Variants in ROBO1 observed in about 807,000 individuals in gnomAD.
The protein encoded by ROBO1 is roundabout guidance receptor 1.
ROBO1 carries 149 observed loss-of-function variants against 195.9 expected under a neutral mutation model. The observed-to-expected ratio is 0.76, with a 90% CI of 0.67 to 0.87. ROBO1 has a LOEUF of 0.87. Ranked by LOEUF, ROBO1 falls within the 40% of genes least tolerant of loss-of-function variation. The probability of loss-of-function intolerance (pLI) is 0.00; values close to 1 mark genes in which losing one functional copy is unlikely to be tolerated. For synonymous variants in ROBO1, 816 were observed against 733.2 expected (o/e 1.11, Z -1.82); for missense variants, 1,933 against 2,068.3 (o/e 0.93, Z 1.27).
At chr3:79,698,673 C>T (rs1053071110) in intron 1 of ROBO1, among the ~76,000 whole-genome samples, 2 of 151,518 alleles carry the variant, frequency 1.3e-5, no homozygotes, top group Non-Finnish European at 3.0e-5. Context: ...TAAGAAGTTA[C>T]TTAATTCAAT....
At chr3:78,989,629 A>C (rs752556836) in intron 3 of ROBO1, among the ~76,000 whole-genome samples, 4 of 152,132 alleles carry the variant, frequency 2.6e-5, no homozygotes, top group Admixed American at 2.6e-4. Context: ...AATAATAATA[A>C]ATAAAAGTAA....
intron 2 of ROBO1, among the ~76,000 whole-genome samples, chr3:79,136,828 T>C (rs1468075345): frequency 6.6e-6 from 1 of 151,898 alleles, no homozygotes; most frequent in Non-Finnish European, 1.5e-5. Flanking sequence ...TTATAGAGAT[T>C]GAGAGGAAAA....
At chr3:79,638,551 A>G (rs1180179866) in intron 1 of ROBO1, among the ~76,000 whole-genome samples, 1 of 152,102 alleles carries the variant, frequency 6.6e-6, no homozygotes, top group Non-Finnish European at 1.5e-5. Flanking sequence ...CAGTGCTGGA[A>G]TTACAGACGT....
At chr3:79,194,713 T>A (rs575941957) in intron 2 of ROBO1, among the ~76,000 whole-genome samples, 1 of 151,850 alleles carries the variant, frequency 6.6e-6, no homozygotes, top group African/African-American at 2.4e-5. Flanking sequence ...TCACTTACTC[T>A]TTTATTGTAG....
At chr3:79,283,887 C>A (rs1429865060) in intron 2 of ROBO1, among the ~76,000 whole-genome samples, 1 of 151,632 alleles carries the variant, frequency 6.6e-6, no homozygotes, top group East Asian at 1.9e-4. Flanking sequence ...TTAGTAGAGA[C>A]GGGGTTTCAC....
Position 79,585,272 on chromosome 3 carries a change from T to A in ROBO1, c.88+4552A>T, listed in dbSNP as rs374755139. On this transcript the variant is annotated intron_variant, in intron 2 of 30. Coordinates refer to ENST00000464233, the MANE Select transcript of ROBO1 (RefSeq NM_002941.4). ...TATAAAAGTCCAGCTACTTAATATCTGAATTAAGATTTTACTAACGCTTTG... is the reference window on the plus strand; with the variant it reads ...TATAAAAGTCCAGCTACTTAATATCAGAATTAAGATTTTACTAACGCTTTG... 2.0e-5 allele frequency among the ~76,000 whole-genome samples: 3 copies of A among 152,058 alleles called. No individual in the cohort carries two copies. The East Asian group carries it at 5.8e-4, about 29-fold the overall frequency.
chr3:79,707,910 T>C (rs1252539185), intron 1 of ROBO1, among the ~76,000 whole-genome samples: 2 of 152,210 alleles, frequency 1.3e-5, no homozygotes, highest in Non-Finnish European at 2.9e-5. Flanking sequence ...ATAACTAATC[T>C]TTAAATTTCA....
In ROBO1 at chr3:79,665,586, AC is replaced by A. The variant is rs556841622; in HGVS notation, c.-50-75626del. On this transcript the variant is annotated intron_variant, in intron 1 of 30. Coordinates refer to ENST00000464233, the MANE Select transcript of ROBO1 (RefSeq NM_002941.4). ...TTGTAATGTAAATCAGTCAAAAAAA[AC>A]ATTTGAGTCTGTAAAATATGATGCA... 1.8e-3 allele frequency among the ~76,000 whole-genome samples: 279 copies of A among 152,004 alleles called. 2 individuals carry two copies. The highest frequency in any genetic ancestry group is 5.0e-3 in the African/African-American group (207 of 41,506).
chr3:79,061,206 A>G (rs1026714164), intron 3 of ROBO1, among the ~76,000 whole-genome samples: 6 of 152,208 alleles, frequency 3.9e-5, no homozygotes, highest in Non-Finnish European at 5.9e-5. Flanking sequence ...ATACGCTAAT[A>G]ACAGACAAAC....
At chr3:79,570,119 A>G (rs944883021) in intron 2 of ROBO1, among the ~76,000 whole-genome samples, 1 of 152,034 alleles carries the variant, frequency 6.6e-6, no homozygotes, top group African/African-American at 2.4e-5. Flanking sequence ...CAAAAAAACA[A>G]TAAAAGCATC....
At chr3:79,270,167 A>T (rs564093005) in intron 2 of ROBO1, among the ~76,000 whole-genome samples, 29 of 148,710 alleles carry the variant, frequency 2.0e-4, no homozygotes, top group Middle Eastern at 3.4e-3. Context: ...TGGATAGTTT[A>T]CATACATAAT....
chr3:78,945,689 GAGA>G lies in ROBO1; in HGVS notation c.173-6765_173-6763del, dbSNP rs1295878820. ...ATGGAGAATGACTTTGACAAATTGA[GAGA>G]AGAAGGCTTCAGACGATCAAACTAC... On this transcript the variant is annotated intron_variant, in intron 3 of 30. Transcript: ENST00000464233. Among the ~76,000 whole-genome samples, 20 of 152,288 alleles carry G rather than the reference GAGA, an allele frequency of 1.3e-4. 1 individual carries two copies. In the East Asian group the frequency reaches 3.5e-3, roughly 27 times the overall value.
At chr3:79,005,240 C>T (rs1446917718) in intron 3 of ROBO1, among the ~76,000 whole-genome samples, 2 of 152,178 alleles carry the variant, frequency 1.3e-5, no homozygotes, top group African/African-American at 4.8e-5. Flanking sequence ...GTGCCTTGAC[C>T]TTCTCCCACT....
chr3:78,682,666 CGT>C (rs2080951271), intron 10 of ROBO1, among the ~76,000 whole-genome samples: 2 of 144,254 alleles, frequency 1.4e-5, no homozygotes, highest in East Asian at 4.0e-4. Context: ...TGTATATATA[CGT>C]ATATATACAC....
intron 2 of ROBO1, among the ~76,000 whole-genome samples, chr3:79,474,448 T>G (rs892518987): frequency 1.3e-5 from 2 of 152,122 alleles, no homozygotes; most frequent in Non-Finnish European, 2.9e-5. Flanking sequence ...TTTTTAAAAG[T>G]TGAGGTAATA....
intron 3 of ROBO1, among the ~76,000 whole-genome samples, chr3:78,948,877 A>G (rs2040610456): frequency 6.6e-6 from 1 of 152,168 alleles, no homozygotes; most frequent in Admixed American, 6.5e-5. Context: ...ACAGACAAAC[A>G]GAGAGCCAAA....
intron 8 of ROBO1, among the ~76,000 whole-genome samples, chr3:78,695,944 A>C (rs2081279476): frequency 6.6e-6 from 1 of 152,070 alleles, no homozygotes; most frequent in African/African-American, 2.4e-5. Context: ...TACCATCCCT[A>C]ACTTTCTCTG....
At chr3:78,731,254 G>A (rs944799632) in intron 5 of ROBO1, among the ~76,000 whole-genome samples, 2 of 152,018 alleles carry the variant, frequency 1.3e-5, no homozygotes, top group African/African-American at 4.8e-5. Context: ...GGATATGAGT[G>A]TTTTATATGG....
intron 2 of ROBO1, among the ~76,000 whole-genome samples, chr3:79,275,396 T>G (rs575705220): frequency 6.6e-6 from 1 of 151,966 alleles, no homozygotes; most frequent in African/African-American, 2.4e-5. Flanking sequence ...ACCATTTCAA[T>G]TGATGCTGAA....
Sources: allele counts gnomAD v4.1 joint callset (sites outside exome capture counted in the v4.1 genomes callset), GRCh38; gene constraint gnomAD v4.1.1; transcripts MANE v1.5; gene names NCBI Gene and HGNC (gene_info 2026-07-23, HGNC 2026-07-21).